KMT5B: variants seen among roughly 807,000 people sequenced by gnomAD.
The protein encoded by KMT5B is lysine methyltransferase 5B, also known as histone-lysine N-methyltransferase KMT5B.
In KMT5B, 10 loss-of-function variants were observed where a neutral mutation model predicts 83.2. The ratio of observed to expected loss-of-function variants is 0.12; its 90% CI spans 0.07 to 0.20. The LOEUF is 0.20. Among genes scored for constraint, KMT5B ranks in the 10% least tolerant of loss-of-function variants. KMT5B has a pLI of 1.00. For missense variants in KMT5B, 753 were observed against 1,067.2 expected, an observed-to-expected ratio of 0.71 and a Z score of 4.10; for synonymous variants, 349 against 388.8, an observed-to-expected ratio of 0.90 and a Z score of 1.20.
At chr11:68,202,417 C>T (rs989483256) in intron 1 of KMT5B, among the ~76,000 whole-genome samples, 2 of 152,198 alleles carry the variant, frequency 1.3e-5, no homozygotes, top group African/African-American at 4.8e-5. Flanking sequence ...CCCACTTCTC[C>T]AGCTATATAG....
In KMT5B at chr11:68,213,266, C is replaced by T. The variant is rs1861214740; in HGVS notation, c.-205G>A. Reference sequence around the variant, plus strand: ...AGAAAATTAATCACCAAAAATAATTCCAGAGAAAAATGGAGAGTAAAATCC... The same window carrying T: ...AGAAAATTAATCACCAAAAATAATTTCAGAGAAAAATGGAGAGTAAAATCC... On this transcript the variant is annotated 5_prime_UTR_variant, in exon 1 of 11. Transcript: ENST00000304363. 1 of 147,102 alleles carries T rather than the reference C, an allele frequency of 6.8e-6. No homozygotes were observed. Among genetic ancestry groups the T allele is most frequent in the South Asian group, 2.0e-4 (1 of 4,978 alleles). The allele number at this position is 147,102 out of a possible 1,614,324, so 9.1% of individuals were successfully genotyped here.
intron 4 of KMT5B, among the ~76,000 whole-genome samples, chr11:68,178,017 A>G (rs1450975044): frequency 6.6e-6 from 1 of 152,208 alleles, no homozygotes; most frequent in Non-Finnish European, 1.5e-5. Flanking sequence ...CCTGTCGAGC[A>G]ATATGAAATA....
intron 1 of KMT5B, among the ~76,000 whole-genome samples, chr11:68,198,299 G>A (rs1277828700): frequency 6.6e-6 from 1 of 152,150 alleles, no homozygotes; most frequent in Admixed American, 6.5e-5. Flanking sequence ...CAGGAGAATA[G>A]CTTCAACCCA....
intron 6 of KMT5B, among the ~76,000 whole-genome samples, chr11:68,173,048 G>C (rs1297049183): frequency 6.6e-6 from 1 of 151,960 alleles, no homozygotes; most frequent in African/African-American, 2.4e-5. Context: ...GCTCAACTCT[G>C]ACTTAATTTT....
intron 10 of KMT5B, among the ~76,000 whole-genome samples, chr11:68,160,461 C>G (rs4256988): frequency 4.4e-4 from 67 of 152,106 alleles, no homozygotes; most frequent in Non-Finnish European, 8.1e-4. Flanking sequence ...GATAACAAAA[C>G]GAATCATCAC....
intron 3 of KMT5B, among the ~76,000 whole-genome samples, chr11:68,184,410 G>C (rs1291877434): frequency 6.6e-6 from 1 of 151,960 alleles, no homozygotes; most frequent in South Asian, 2.1e-4. Flanking sequence ...AAAAACAAAA[G>C]CATATTTTTA....
At chr11:68,179,966 G>T in intron 4 of KMT5B, 166 bp downstream of exon 4, 1 of 744,356 alleles carries the variant, frequency 1.3e-6, no homozygotes, top group Non-Finnish European at 2.1e-6. Context: ...AAGTACAAGT[G>T]GTTTTTTAAA....
chr11:68,167,268 A>G (rs1211693113), intron 9 of KMT5B, 90 bp from the exon 10 acceptor site: 21 of 1,474,292 alleles, frequency 1.4e-5, no homozygotes, highest in Non-Finnish European at 1.9e-5. Context: ...ACAGGTTAAC[A>G]GATGTGATGA....
chr11:68,186,654 A>C (rs1281514576), intron 2 of KMT5B, among the ~76,000 whole-genome samples: 1 of 152,252 alleles, frequency 6.6e-6, no homozygotes, highest in Non-Finnish European at 1.5e-5. Flanking sequence ...AAGGAAATGA[A>C]GGCCAAGTTT....
intron 1 of KMT5B, among the ~76,000 whole-genome samples, chr11:68,204,836 C>T (rs1040640641): frequency 6.6e-6 from 1 of 151,872 alleles, no homozygotes; most frequent in East Asian, 1.9e-4. Flanking sequence ...AGGATGGTCT[C>T]GAACTCTTGA....
intron 1 of KMT5B, among the ~76,000 whole-genome samples, chr11:68,205,993 C>T (rs1860061914): frequency 6.6e-6 from 1 of 152,192 alleles, no homozygotes. Flanking sequence ...CTCCTAATTG[C>T]CTTATCACAG....
intron 9 of KMT5B, among the ~76,000 whole-genome samples, chr11:68,168,544 C>T (rs1855539096): frequency 6.6e-6 from 1 of 152,138 alleles, no homozygotes; most frequent in African/African-American, 2.4e-5. Flanking sequence ...CCATGTTGGC[C>T]AGGCTGGTCT....
chr11:68,186,988 C>T (rs1286389763), intron 2 of KMT5B, among the ~76,000 whole-genome samples: 4 of 151,872 alleles, frequency 2.6e-5, no homozygotes, highest in African/African-American at 7.2e-5. Context: ...AATTCACATA[C>T]GACACAACTC....
Position 68,182,537 on chromosome 11 carries a change from C to A in KMT5B, c.309-2337G>T, listed in dbSNP as rs114584327. 6.4e-3 allele frequency among the ~76,000 whole-genome samples: 979 copies of A among 152,250 alleles called. 10 individuals carry two copies. The highest frequency in any genetic ancestry group is 0.023 in the African/African-American group (947 of 41,536). ...GCAGTGGTATGAATACAGCTCATTG[C>A]AGCCTCGAGCTCCTGGGCTCCAGTG... On this transcript the variant is annotated intron_variant, in intron 3 of 10. Coordinates refer to ENST00000304363, the MANE Select transcript of KMT5B (RefSeq NM_017635.5).
intron 1 of KMT5B, among the ~76,000 whole-genome samples, chr11:68,194,962 G>C (rs1486516102): frequency 2.6e-5 from 4 of 152,140 alleles, no homozygotes; most frequent in African/African-American, 9.7e-5. Context: ...ACTGCTTGAG[G>C]CCAGGAGTTC....
chr11:68,177,184 CAT>C (rs1856467253), intron 4 of KMT5B, among the ~76,000 whole-genome samples: 1 of 152,114 alleles, frequency 6.6e-6, no homozygotes, highest in African/African-American at 2.4e-5. Flanking sequence ...GACTAAAAGA[CAT>C]ATATATGCAT....
intron 10 of KMT5B, chr11:68,165,740 T>A: frequency 1.4e-6 from 2 of 1,433,596 alleles, no homozygotes; most frequent in Admixed American, 2.8e-5. Flanking sequence ...GCATTTATTA[T>A]GAGAATCAAC....
At chr11:68,204,106 AC>A (rs1446648878) in intron 1 of KMT5B, among the ~76,000 whole-genome samples, 1 of 152,156 alleles carries the variant, frequency 6.6e-6, no homozygotes, top group African/African-American at 2.4e-5. Context: ...TGAGCAGTTT[AC>A]CTACCACCAA....
intron 2 of KMT5B, among the ~76,000 whole-genome samples, chr11:68,188,156 T>C (rs1208926625): frequency 4.0e-5 from 6 of 150,732 alleles, no homozygotes; most frequent in South Asian, 4.2e-4. Context: ...TCACGAGTAG[T>C]TGGGACTACA....
Sources: gnomAD v4.1 joint callset for allele counts (sites outside exome capture counted in the v4.1 genomes callset) on GRCh38, gnomAD v4.1.1 for gene constraint, MANE v1.5 for transcripts, NCBI Gene and HGNC (gene_info 2026-07-23, HGNC 2026-07-21) for gene names.